IQCM: variants seen among roughly 807,000 people sequenced by gnomAD.
IQCM encodes IQ domain-containing protein M.
Under a neutral mutation model 57.6 loss-of-function variants are expected in IQCM, and 45 were observed. The ratio of observed to expected loss-of-function variants is 0.78; its 90% CI spans 0.62 to 1.00. The LOEUF (loss-of-function observed/expected upper bound fraction) is 1.00, where lower values mean the gene tolerates loss of function less well. IQCM is among the 50% of genes least tolerant of loss of function. The pLI, the probability that IQCM is intolerant of heterozygous loss-of-function variation, is 0.00. For synonymous variants in IQCM, 148 were observed against 158.9 expected, an observed-to-expected ratio of 0.93 and a Z score of 0.51; for missense variants, 468 against 511.6, an observed-to-expected ratio of 0.91 and a Z score of 0.82.
chr4:149,422,951 C>T (rs1734215333), intron 13 of IQCM, among the ~76,000 whole-genome samples: 1 of 151,900 alleles, frequency 6.6e-6, no homozygotes, highest in Non-Finnish European at 1.5e-5. Context: ...TTTTGCAATC[C>T]ACTTTAAATT....
At chr4:149,754,570 G>A (rs564647021) in intron 2 of IQCM, among the ~76,000 whole-genome samples, 1 of 152,258 alleles carries the variant, frequency 6.6e-6, no homozygotes, top group Admixed American at 6.5e-5. Context: ...CCTGTTAACA[G>A]CATTTTATGT....
At chr4:149,599,593 A>G (rs942938718) in intron 8 of IQCM, among the ~76,000 whole-genome samples, 2 of 152,134 alleles carry the variant, frequency 1.3e-5, no homozygotes, top group African/African-American at 4.8e-5. Context: ...ATTGACATAT[A>G]AAACAATAGA....
At position 149,563,747 on chromosome 4, in the gene IQCM, T is replaced by A; in HGVS notation, c.893A>T (p.Gln298Leu). The A allele has an allele frequency of 8.1e-7, 1 of 1,232,100 alleles. No individual in the cohort carries two copies. 76.3% of individuals were successfully genotyped at this position (1,232,100 alleles called of 1,614,324 possible). ...TTCAAGCCATCCCCTGACATGTGCC[T>A]GCATGACGGTGACCATTCTAATCAA... ...PKLIRMVTVM[Q>L]AHVRGWLERK... Residue 298 changes from glutamine to leucine, a missense_variant, in exon 10 of 14, where the codon CAG becomes CTG. Gln to Leu is a moderately radical substitution (Grantham distance 113, BLOSUM62 -2). Transcript: ENST00000636793.
At chr4:149,358,222 G>C (rs1161811375) in intron 13 of IQCM, among the ~76,000 whole-genome samples, 2 of 152,088 alleles carry the variant, frequency 1.3e-5, no homozygotes, top group African/African-American at 4.8e-5. Flanking sequence ...ATTTTTCAAA[G>C]GGTTTTTTGT....
intron 2 of IQCM, among the ~76,000 whole-genome samples, chr4:149,806,496 C>T (rs1371826950): frequency 2.6e-5 from 4 of 151,978 alleles, no homozygotes; most frequent in Non-Finnish European, 5.9e-5. Context: ...CTTCTCTTTC[C>T]AGTCTTTGGT....
chr4:149,559,198 A>C (rs1056347586), intron 10 of IQCM, among the ~76,000 whole-genome samples: 1 of 152,104 alleles, frequency 6.6e-6, no homozygotes, highest in Non-Finnish European at 1.5e-5. Flanking sequence ...TTTTACCTCC[A>C]TTTTGTCACC....
intron 8 of IQCM, among the ~76,000 whole-genome samples, chr4:149,592,971 T>G (rs1390713389): frequency 6.6e-6 from 1 of 152,192 alleles, no homozygotes; most frequent in African/African-American, 2.4e-5. Context: ...AACTTTAAAA[T>G]AGTTTTTTCC....
intron 7 of IQCM, among the ~76,000 whole-genome samples, chr4:149,658,831 G>C (rs998932850): frequency 4.6e-5 from 7 of 151,782 alleles, no homozygotes; most frequent in African/African-American, 1.7e-4. Flanking sequence ...ATTTTGTATT[G>C]TGAAACTTTA....
intron 13 of IQCM, among the ~76,000 whole-genome samples, chr4:149,400,873 G>C (rs1179257300): frequency 1.3e-5 from 2 of 151,892 alleles, no homozygotes; most frequent in African/African-American, 4.8e-5. Flanking sequence ...ATGTAAAGCT[G>C]TATAGACTAA....
chr4:149,775,195 C>T (rs1264547582), intron 2 of IQCM, among the ~76,000 whole-genome samples: 1 of 152,056 alleles, frequency 6.6e-6, no homozygotes, highest in African/African-American at 2.4e-5. Flanking sequence ...CTGGATTACT[C>T]ATATTCTTGA....
At chr4:149,750,841 T>C (rs1314246507) in intron 2 of IQCM, among the ~76,000 whole-genome samples, 2 of 152,334 alleles carry the variant, frequency 1.3e-5, no homozygotes, top group South Asian at 2.1e-4. Context: ...TTAAATACAC[T>C]AAATTAGAGG....
At chr4:149,518,516 C>T (rs1745231508) in intron 12 of IQCM, among the ~76,000 whole-genome samples, 1 of 151,738 alleles carries the variant, frequency 6.6e-6, no homozygotes, top group African/African-American at 2.4e-5. Flanking sequence ...CCTTTTTTTT[C>T]CAAATAAGGG....
intron 7 of IQCM, among the ~76,000 whole-genome samples, chr4:149,680,791 A>G (rs1349573105): frequency 6.6e-6 from 1 of 151,510 alleles, no homozygotes; most frequent in Non-Finnish European, 1.5e-5. Context: ...TTTCATAATA[A>G]TCTGTAGCTA....
At chr4:149,437,410 T>A (rs576414852) in intron 12 of IQCM, among the ~76,000 whole-genome samples, 1 of 152,208 alleles carries the variant, frequency 6.6e-6, no homozygotes, top group Admixed American at 6.6e-5. Context: ...ATTTATAAAC[T>A]GATGATGGCC....
At chr4:149,473,416 C>T (rs960714246) in intron 12 of IQCM, among the ~76,000 whole-genome samples, 1 of 152,148 alleles carries the variant, frequency 6.6e-6, no homozygotes, top group Non-Finnish European at 1.5e-5. Flanking sequence ...ATATCAAAAC[C>T]ACAATGAGAT....
intron 13 of IQCM, among the ~76,000 whole-genome samples, chr4:149,373,495 G>GTT (rs1461160502): frequency 1.3e-5 from 2 of 152,134 alleles, no homozygotes; most frequent in Non-Finnish European, 2.9e-5. Context: ...GGTTCACAGA[G>GTT]GTTAAATAAC....
chr4:149,353,321 T>A (rs924668744), intron 13 of IQCM, among the ~76,000 whole-genome samples: 1 of 152,184 alleles, frequency 6.6e-6, no homozygotes, highest in Non-Finnish European at 1.5e-5. Flanking sequence ...GAAACACTTA[T>A]ACACTATTGG....
At chr4:149,602,035 C>CAAAAAAAAAA (rs1236897737) in intron 8 of IQCM, among the ~76,000 whole-genome samples, 52 of 34,950 alleles carry the variant, frequency 1.5e-3, no homozygotes, top group Middle Eastern at 0.015. Flanking sequence ...GCCTGGGCGA[C>CAAAAAAAAAA]AAAAAAAAAA....
chr4:149,607,722 G>A (rs1347682392), intron 8 of IQCM, among the ~76,000 whole-genome samples: 1 of 151,880 alleles, frequency 6.6e-6, no homozygotes, highest in African/African-American at 2.4e-5. Flanking sequence ...TAAAATAATT[G>A]ATTGTAAGAT....
Sources: gnomAD v4.1 joint callset for allele counts (sites outside exome capture counted in the v4.1 genomes callset) on GRCh38, gnomAD v4.1.1 for gene constraint, MANE v1.5 for transcripts, NCBI Gene and HGNC (gene_info 2026-07-23, HGNC 2026-07-21) for gene names.